Variants in PCSK5 observed in about 807,000 individuals in gnomAD.
The protein encoded by PCSK5 is prohormone convertase 5.
Under a neutral mutation model 233.2 loss-of-function variants are expected in PCSK5, and 129 were observed. The observed-to-expected ratio is 0.55, with a 90% CI of 0.48 to 0.64. PCSK5 has a LOEUF of 0.64. Ranked by LOEUF, PCSK5 falls within the 30% of genes least tolerant of loss-of-function variation. PCSK5 has a pLI of 0.00. For synonymous variants in PCSK5, 825 were observed against 879.2 expected, an observed-to-expected ratio of 0.94 and a Z score of 1.09; for missense variants, 2,076 against 2,430.1, an observed-to-expected ratio of 0.85 and a Z score of 3.06.
rs1327335840 is a variant in PCSK5, at chr9:76,196,216, G to A, written c.2626+6470G>A. On this transcript the variant is annotated intron_variant, in intron 20 of 37. Transcript: ENST00000674117. ...CTGGACCCCAGAACAGGGCCCACCTGGTCCCATTCTTCCTGTAGTGCGCAG... is the reference window on the plus strand; with the variant it reads ...CTGGACCCCAGAACAGGGCCCACCTAGTCCCATTCTTCCTGTAGTGCGCAG... Among the ~76,000 whole-genome samples, 5 of 152,220 alleles carry A rather than the reference G, an allele frequency of 3.3e-5. No individual in the cohort carries two copies. The East Asian group carries it at 9.6e-4, about 29-fold the overall frequency.
At chr9:76,259,327 C>T (rs1436304987) in intron 24 of PCSK5, among the ~76,000 whole-genome samples, 2 of 152,118 alleles carry the variant, frequency 1.3e-5, no homozygotes, top group African/African-American at 4.8e-5. Flanking sequence ...ATTCCCTCTA[C>T]TTGGAATGTT....
chr9:76,211,658 C>T (rs1045459730), intron 20 of PCSK5, among the ~76,000 whole-genome samples: 2 of 152,138 alleles, frequency 1.3e-5, no homozygotes, highest in Admixed American at 6.5e-5. Flanking sequence ...AGACTAACAT[C>T]GACAACATAG....
chr9:76,138,435 G>A (rs1428113740), intron 10 of PCSK5, among the ~76,000 whole-genome samples: 1 of 152,022 alleles, frequency 6.6e-6, no homozygotes, highest in East Asian at 1.9e-4. Context: ...CCATGCGGAA[G>A]ACTTTTAATT....
intron 2 of PCSK5, among the ~76,000 whole-genome samples, chr9:75,964,560 C>A (rs1458058983): frequency 6.6e-6 from 1 of 152,216 alleles, no homozygotes; most frequent in African/African-American, 2.4e-5. Flanking sequence ...ACCCCACCTG[C>A]CTTCCGTAAG....
chr9:76,354,311 G>A lies in PCSK5; in HGVS notation c.5254+92G>A, dbSNP rs1449796490. 4.1e-6 allele frequency: 4 copies of A among 964,584 alleles called. No homozygotes were observed. In the East Asian group the frequency reaches 1.1e-4, roughly 26 times the overall value. 59.8% of individuals were successfully genotyped at this position (964,584 alleles called of 1,614,324 possible). ...GGAGGGGGGGATGGAAAGTTCAGGA[G>A]AATCAATATGGCTACCTTTTTATTG... On this transcript the variant is annotated intron_variant, in intron 37 of 37. Transcript: ENST00000674117.
chr9:76,130,737 A>C (rs1183672168), intron 9 of PCSK5, among the ~76,000 whole-genome samples: 2 of 152,156 alleles, frequency 1.3e-5, no homozygotes, highest in Admixed American at 1.3e-4. Flanking sequence ...GGCTACCCAT[A>C]TCTTGTAGGT....
In PCSK5 at chr9:76,026,954, G is replaced by T; in HGVS notation, c.556-7G>T. ...CCTTTCCCTTGCTCTCTCCTCTGTGGCCATAGGATGCTCTGGCAAGTTGCG... is the reference window on the plus strand; with the variant it reads ...CCTTTCCCTTGCTCTCTCCTCTGTGTCCATAGGATGCTCTGGCAAGTTGCG... On this transcript the variant is annotated splice_region_variant and splice_polypyrimidine_tract_variant and intron_variant, in intron 4 of 37. Coordinates refer to ENST00000674117, the MANE Select transcript of PCSK5 (RefSeq NM_001372043.1). 3 of 1,603,188 alleles carry T rather than the reference G, an allele frequency of 1.9e-6. No homozygotes were observed. The highest frequency in any genetic ancestry group is 2.6e-6 in the Non-Finnish European group (3 of 1,171,692).
At chr9:75,923,196 G>C (rs1823328692) in intron 1 of PCSK5, among the ~76,000 whole-genome samples, 2 of 152,132 alleles carry the variant, frequency 1.3e-5, no homozygotes, top group Non-Finnish European at 2.9e-5. Flanking sequence ...CTTTACTTGG[G>C]CATATTACTT....
chr9:75,988,577 T>G (rs1042143369), intron 3 of PCSK5, among the ~76,000 whole-genome samples: 1 of 152,116 alleles, frequency 6.6e-6, no homozygotes, highest in Non-Finnish European at 1.5e-5. Context: ...CCACCGTGCT[T>G]GGCTAACTTT....
intron 3 of PCSK5, among the ~76,000 whole-genome samples, chr9:75,997,441 T>A (rs1445471619): frequency 6.6e-6 from 1 of 152,220 alleles, no homozygotes; most frequent in African/African-American, 2.4e-5. Context: ...CACATCAATA[T>A]GATTTTTCCA....
Position 75,915,420 on chromosome 9 carries a change from T to C in PCSK5, c.193-16959T>C, listed in dbSNP as rs575569993. On this transcript the variant is annotated intron_variant, in intron 1 of 37. Transcript: ENST00000674117. ...CTGTTAAGAATCAAAATTAACATGATACATTTGAAATAGGAGAAAGTGCTT... is the reference window on the plus strand; with the variant it reads ...CTGTTAAGAATCAAAATTAACATGACACATTTGAAATAGGAGAAAGTGCTT... 9.5e-4 allele frequency among the ~76,000 whole-genome samples: 144 copies of C among 152,338 alleles called. 2 individuals are homozygous for C. The highest frequency in any genetic ancestry group is 3.4e-3 in the African/African-American group (143 of 41,578).
At position 75,909,827 on chromosome 9, in the gene PCSK5, G is replaced by T. The variant is rs538293128; in HGVS notation, c.192+18454G>T. 2.6e-5 allele frequency among the ~76,000 whole-genome samples: 4 copies of T among 152,304 alleles called. No individual in the cohort carries two copies. The South Asian group carries it at 8.3e-4, about 32-fold the overall frequency. ...TGAATGTTTCTGGTTCTCTCCCTTGGCTGTGTTATAAGATTGAATTTCCCT... is the reference window on the plus strand; with the variant it reads ...TGAATGTTTCTGGTTCTCTCCCTTGTCTGTGTTATAAGATTGAATTTCCCT... On this transcript the variant is annotated intron_variant, in intron 1 of 37. Coordinates refer to ENST00000674117, the MANE Select transcript of PCSK5 (RefSeq NM_001372043.1).
Position 76,233,486 on chromosome 9 carries a change from C to T in PCSK5, c.2756C>T (p.Ser919Leu), listed in dbSNP as rs762281568. The T allele has an allele frequency of 8.1e-6, 13 of 1,612,620 alleles. No homozygotes were observed. Among genetic ancestry groups the T allele is most frequent in the East Asian group, 4.5e-5 (2 of 44,884 alleles). Residue 919 changes from serine (S) to leucine (L), a missense_variant, in exon 22 of 38, where the codon TCG becomes TTG. This residue lies in a region of PCSK5 where 1,510 missense variants were observed against 1,538.1 expected (regional missense o/e 0.98). Coordinates refer to ENST00000674117, the MANE Select transcript of PCSK5 (RefSeq NM_001372043.1). ...ATTTTTGATGATGGCCGCTGTGTTT[C>T]GAACTGCCCCTCATGGAAATTTGAA... ...TRIFDDGRCVSNCPSWKFEFE... is the reference protein window; with the variant it reads ...TRIFDDGRCVLNCPSWKFEFE...
At chr9:76,007,252 A>G (rs1445523692) in intron 3 of PCSK5, among the ~76,000 whole-genome samples, 1 of 152,088 alleles carries the variant, frequency 6.6e-6, no homozygotes, top group African/African-American at 2.4e-5. Flanking sequence ...TTCAGATTCT[A>G]TTTCAGTGTG....
intron 24 of PCSK5, among the ~76,000 whole-genome samples, chr9:76,270,717 T>C (rs1194070458): frequency 6.6e-6 from 1 of 152,198 alleles, no homozygotes; most frequent in Non-Finnish European, 1.5e-5. Flanking sequence ...GGGCTTTTGC[T>C]AACCAGCAGA....
intron 10 of PCSK5, among the ~76,000 whole-genome samples, chr9:76,152,755 T>A (rs1823724908): frequency 1.3e-5 from 2 of 152,226 alleles, no homozygotes; most frequent in Admixed American, 6.5e-5. Flanking sequence ...CAGAAACTTC[T>A]ATTTTTTTTC....
In PCSK5 at chr9:76,209,336, G is replaced by A. The variant is rs531939769; in HGVS notation, c.2627-18167G>A. Among the ~76,000 whole-genome samples, 4 of 152,260 alleles carry A rather than the reference G, an allele frequency of 2.6e-5. No homozygotes were observed. The East Asian group carries it at 7.7e-4, about 29-fold the overall frequency. The stretch of plus-strand genomic sequence containing the variant: ...CTTACCAGCACTCCCTGATTTGCTT[G>A]CCCTGTTCAGCTTTTTGGTTCATAG... On this transcript the variant is annotated intron_variant, in intron 20 of 37. Transcript: ENST00000674117.
chr9:76,181,956 C>T (rs997973919), intron 16 of PCSK5, among the ~76,000 whole-genome samples: 2 of 152,160 alleles, frequency 1.3e-5, no homozygotes, highest in Admixed American at 6.5e-5. Flanking sequence ...TGCAACAATG[C>T]GTGACGACGT....
intron 24 of PCSK5, chr9:76,287,859 T>C: frequency 9.5e-6 from 2 of 211,568 alleles, no homozygotes; most frequent in East Asian, 2.2e-4. Context: ...TTCAGGCTTC[T>C]GCAGGTTCGA....
Sources: gnomAD v4.1 joint callset for allele counts (sites outside exome capture counted in the v4.1 genomes callset) on GRCh38, gnomAD v4.1.1 for gene constraint, gnomAD v4.1.1 regional missense constraint, MANE v1.5 for transcripts, NCBI Gene and HGNC (gene_info 2026-07-23, HGNC 2026-07-21) for gene names.